PPP1R9A: variants seen among roughly 807,000 people sequenced by gnomAD.
The protein encoded by PPP1R9A is neurabin-1.
PPP1R9A carries 59 observed loss-of-function variants against 141.9 expected under a neutral mutation model. The ratio of observed to expected loss-of-function variants is 0.42; its 90% CI spans 0.34 to 0.52. PPP1R9A has a LOEUF of 0.52. Ranked by LOEUF, PPP1R9A falls within the 20% of genes least tolerant of loss-of-function variation. The pLI, the probability that PPP1R9A is intolerant of heterozygous loss-of-function variation, is 0.10. For missense variants in PPP1R9A, 1,444 were observed against 1,611.9 expected, an observed-to-expected ratio of 0.90 and a Z score of 1.78; for synonymous variants, 500 against 569.7, an observed-to-expected ratio of 0.88 and a Z score of 1.74.
chr7:95,191,746 C>A (rs747273942), intron 5 of PPP1R9A, among the ~76,000 whole-genome samples: 3 of 151,820 alleles, frequency 2.0e-5, no homozygotes, highest in Non-Finnish European at 2.9e-5. Flanking sequence ...TTAATTTATT[C>A]TTTATAGCTA....
Position 95,268,542 on chromosome 7 carries a change from A to G in PPP1R9A, c.2666-8A>G. On this transcript the variant is annotated splice_region_variant and splice_polypyrimidine_tract_variant and intron_variant, in intron 12 of 19. Coordinates refer to ENST00000433360, the MANE Select transcript of PPP1R9A (RefSeq NM_001166160.2). The stretch of plus-strand genomic sequence containing the variant: ...TTTCTCTCACTGATTATCTTTCAAT[A>G]TTCTTAGACTTGAATGAAGCAGTCC... 6.2e-7 allele frequency: 1 copy of G among 1,612,558 alleles called. No homozygotes were observed. The highest frequency in any genetic ancestry group is 8.5e-7 in the Non-Finnish European group (1 of 1,179,138).
At position 95,269,420 on chromosome 7, in the gene PPP1R9A, C is replaced by G. The variant is rs759269647; in HGVS notation, c.3037C>G (p.Leu1013Val). The G allele has an allele frequency of 1.9e-6, 3 of 1,594,598 alleles. No individual in the cohort carries two copies. Among genetic ancestry groups the G allele is most frequent in the South Asian group, 1.1e-5 (1 of 90,788 alleles). Reference protein sequence around the residue: ...PLSSMWGDTSLFSTSKSDHDV... With the variant: ...PLSSMWGDTSVFSTSKSDHDV... Reference sequence around the variant, plus strand: ...CTCCTCTATGTGGGGAGACACTTCACTGTTTTCTACTTCAAAGTCTGATCA... The same window carrying G: ...CTCCTCTATGTGGGGAGACACTTCAGTGTTTTCTACTTCAAAGTCTGATCA... Residue 1013 changes from leucine to valine, a missense_variant, in exon 14 of 20, where the codon CTG (leucine) becomes GTG (valine). This residue lies in a region of PPP1R9A where 459 missense variants were observed against 513.8 expected (regional missense o/e 0.89). Coordinates refer to ENST00000433360, the MANE Select transcript of PPP1R9A (RefSeq NM_001166160.2).
intron 2 of PPP1R9A, among the ~76,000 whole-genome samples, chr7:94,966,160 C>G (rs1413722827): frequency 6.6e-6 from 1 of 152,178 alleles, no homozygotes; most frequent in African/African-American, 2.4e-5. Flanking sequence ...GATTTTTGCA[C>G]ATTGATTTTT....
chr7:95,213,721 T>C (rs1443656310), intron 7 of PPP1R9A, among the ~76,000 whole-genome samples: 1 of 152,166 alleles, frequency 6.6e-6, no homozygotes, highest in Non-Finnish European at 1.5e-5. Context: ...TAGACTTAAT[T>C]TTAAGACTTT....
At chr7:95,237,952 C>T (rs1423849418) in intron 8 of PPP1R9A, among the ~76,000 whole-genome samples, 1 of 151,928 alleles carries the variant, frequency 6.6e-6, no homozygotes, top group East Asian at 1.9e-4. Context: ...TACCTACTTG[C>T]CATTAGGTAC....
chr7:95,220,928 C>T (rs897197111), intron 7 of PPP1R9A, among the ~76,000 whole-genome samples: 2 of 151,930 alleles, frequency 1.3e-5, no homozygotes, highest in Admixed American at 1.3e-4. Context: ...TTTTCTTGGG[C>T]TTGGGTAGAA....
In PPP1R9A at chr7:94,915,084, G is replaced by A. The variant is rs141712957; in HGVS notation, c.1395+3576G>A. On this transcript the variant is annotated intron_variant, in intron 2 of 19. Transcript: ENST00000433360. ...CTGAAAAAGATTTTTCTAACTCACA[G>A]TAAGAAGGATATTGCAGAGTTAATA... Among the ~76,000 whole-genome samples, 188 of 152,260 alleles carry A rather than the reference G, an allele frequency of 1.2e-3. 3 individuals carry two copies. The highest frequency in any genetic ancestry group is 2.9e-3 in the East Asian group (15 of 5,186).
chr7:95,176,822 A>G (rs566542404), intron 5 of PPP1R9A, among the ~76,000 whole-genome samples: 12 of 152,220 alleles, frequency 7.9e-5, no homozygotes, highest in African/African-American at 2.9e-4. Flanking sequence ...AGACAAAGAA[A>G]AAAGAATATG....
intron 2 of PPP1R9A, among the ~76,000 whole-genome samples, chr7:95,059,706 C>T (rs901578285): frequency 6.6e-6 from 1 of 152,122 alleles, no homozygotes; most frequent in Non-Finnish European, 1.5e-5. Flanking sequence ...CTTTGAAGGA[C>T]AAAAATTTTG....
chr7:94,961,744 GT>G, intron 2 of PPP1R9A, among the ~76,000 whole-genome samples: 1 of 151,954 alleles, frequency 6.6e-6, no homozygotes, highest in South Asian at 2.1e-4. Flanking sequence ...TTTGGAAAAT[GT>G]TTGCCCTTAT....
At chr7:95,112,199 TACTC>T (rs1306890085) in intron 3 of PPP1R9A, among the ~76,000 whole-genome samples, 8 of 152,030 alleles carry the variant, frequency 5.3e-5, no homozygotes, top group African/African-American at 1.2e-4. Flanking sequence ...GGAACTCAAA[TACTC>T]AACAACAACA....
At chr7:95,127,183 A>AT (rs1288360368) in intron 4 of PPP1R9A, among the ~76,000 whole-genome samples, 8 of 151,878 alleles carry the variant, frequency 5.3e-5, no homozygotes, top group Non-Finnish European at 1.0e-4. Context: ...TTATTTCCTC[A>AT]TTTTTTTAAT....
chr7:95,162,188 A>T (rs193012785), intron 5 of PPP1R9A, among the ~76,000 whole-genome samples: 1 of 152,304 alleles, frequency 6.6e-6, no homozygotes, highest in East Asian at 1.9e-4. Flanking sequence ...ATACAAAAAC[A>T]AGCACTTGTC....
intron 2 of PPP1R9A, among the ~76,000 whole-genome samples, chr7:95,089,807 A>C (rs888200855): frequency 1.3e-5 from 2 of 151,930 alleles, no homozygotes; most frequent in African/African-American, 4.9e-5. Flanking sequence ...ATATGCTAGA[A>C]CCATCTATAG....
intron 2 of PPP1R9A, among the ~76,000 whole-genome samples, chr7:94,955,991 A>G (rs1018155586): frequency 6.6e-6 from 1 of 152,072 alleles, no homozygotes; most frequent in Non-Finnish European, 1.5e-5. Context: ...CTACTTGCCT[A>G]CCTGCCAGCC....
Position 95,117,743 on chromosome 7 carries a change from A to T in PPP1R9A, c.1529-2969A>T, listed in dbSNP as rs148183396. 2.0e-4 allele frequency among the ~76,000 whole-genome samples: 31 copies of T among 152,296 alleles called. No homozygotes were observed. The East Asian group carries it at 5.4e-3, about 27-fold the overall frequency. On this transcript the variant is annotated intron_variant, in intron 3 of 19. Coordinates refer to ENST00000433360, the MANE Select transcript of PPP1R9A (RefSeq NM_001166160.2). ...TAATGAGTATGGGAAAGTTTGACTC[A>T]CAGCTCTACATTGGCTTGACATGTG...
chr7:95,220,753 A>G (rs1290611164), intron 7 of PPP1R9A, among the ~76,000 whole-genome samples: 1 of 152,146 alleles, frequency 6.6e-6, no homozygotes, highest in Non-Finnish European at 1.5e-5. Flanking sequence ...TAGAAACATC[A>G]AAGCATTATG....
intron 18 of PPP1R9A, among the ~76,000 whole-genome samples, chr7:95,286,582 G>A (rs1805379583): frequency 6.6e-6 from 1 of 152,104 alleles, no homozygotes; most frequent in Non-Finnish European, 1.5e-5. Context: ...GCAGTGCAGA[G>A]TTAAACATGG....
chr7:95,293,147 G>A lies in PPP1R9A; in HGVS notation c.*2844G>A, dbSNP rs1806597304. 1 of 152,190 alleles carries A rather than the reference G, an allele frequency of 6.6e-6. No homozygotes were observed. 9.4% of individuals were successfully genotyped at this position (152,190 alleles called of 1,614,324 possible). On this transcript the variant is annotated 3_prime_UTR_variant, in exon 20 of 20. Coordinates refer to ENST00000433360, the MANE Select transcript of PPP1R9A (RefSeq NM_001166160.2). ...TTGTTGGGAGGGAATGTGTGGTGAG[G>A]AGGCCAAGCTGCAGACAGAAAGCAT...
Sources: gnomAD v4.1 joint callset for allele counts (sites outside exome capture counted in the v4.1 genomes callset) on GRCh38, gnomAD v4.1.1 for gene constraint, gnomAD v4.1.1 regional missense constraint, MANE v1.5 for transcripts, NCBI Gene and HGNC (gene_info 2026-07-23, HGNC 2026-07-21) for gene names.